The following MYO7B variants were observed in gnomAD, a reference collection of about 807,000 sequenced individuals.
The protein encoded by MYO7B is myosin VIIB.
Under a neutral mutation model 259.7 loss-of-function variants are expected in MYO7B, and 212 were observed. That is an observed-to-expected ratio of 0.82 (90% CI 0.73 to 0.91). The LOEUF (loss-of-function observed/expected upper bound fraction) is 0.91. Among genes scored for constraint, MYO7B ranks in the 40% least tolerant of loss-of-function variants. The probability of loss-of-function intolerance (pLI) is 0.00; values close to 1 mark genes in which losing one functional copy is unlikely to be tolerated. For synonymous variants in MYO7B, 1,197 were observed against 1,166.4 expected, an observed-to-expected ratio of 1.03 and a Z score of -0.54; for missense variants, 2,732 against 2,813.5, an observed-to-expected ratio of 0.97 and a Z score of 0.66.
At chr2:127,570,673 C>T (rs929738523) in intron 6 of MYO7B, among the ~76,000 whole-genome samples, 1 of 152,176 alleles carries the variant, frequency 6.6e-6, no homozygotes, top group Non-Finnish European at 1.5e-5. Context: ...CTCATACAGG[C>T]CTGTGGTTCC....
chr2:127,557,519 C>T (rs1232895126), intron 1 of MYO7B, among the ~76,000 whole-genome samples: 1 of 152,104 alleles, frequency 6.6e-6, no homozygotes, highest in Non-Finnish European at 1.5e-5. Context: ...GGTTCCTTCT[C>T]ATTTGGGTAG....
At chr2:127,618,976 G>A (rs1240313158) in intron 26 of MYO7B, among the ~76,000 whole-genome samples, 4 of 152,040 alleles carry the variant, frequency 2.6e-5, no homozygotes, top group Non-Finnish European at 2.9e-5. Context: ...TGTGGGCACT[G>A]GTTGGATCGT....
intron 20 of MYO7B, among the ~76,000 whole-genome samples, chr2:127,606,733 G>C (rs1417093174): frequency 2.0e-5 from 3 of 152,182 alleles, no homozygotes; most frequent in African/African-American, 4.8e-5. Context: ...GGATGTTTGC[G>C]GCACTGACGT....
chr2:127,607,067 G>A lies in MYO7B; in HGVS notation c.2425-139G>A. 1 of 731,456 alleles carries A rather than the reference G, an allele frequency of 1.4e-6. No individual in the cohort carries two copies. The highest frequency in any genetic ancestry group is 2.3e-6 in the Non-Finnish European group (1 of 444,328). 45.3% of individuals were successfully genotyped at this position (731,456 alleles called of 1,614,324 possible). The stretch of plus-strand genomic sequence containing the variant: ...TCACTATTCTTGTGTTCATAGGTGT[G>A]TACCATTCTAGCACCGGCCCTTTGC... On this transcript the variant is annotated intron_variant, in intron 20 of 47. Coordinates refer to ENST00000409816, the MANE Select transcript of MYO7B (RefSeq NM_001393586.1). This position sits in a 1 kb window ranked among gnomAD's most constrained non-coding sequence, Gnocchi z 4.4.
rs1422278279 is a variant in MYO7B at position 127,596,567 on chromosome 2, C to T, written c.2339+11C>T. 1.9e-6 allele frequency: 3 copies of T among 1,601,800 alleles called. No homozygotes were observed. The highest frequency in any genetic ancestry group is 4.5e-5 in the East Asian group (2 of 44,368). ...GGGCTACAGATACAGGTGCCGGCCCCACCCCAAGGCCCACCCAGCCTACTC... is the reference window on the plus strand; with the variant it reads ...GGGCTACAGATACAGGTGCCGGCCCTACCCCAAGGCCCACCCAGCCTACTC... On this transcript the variant is annotated intron_variant, in intron 19 of 47. Transcript: ENST00000409816.
chr2:127,556,972 A>G (rs1442027330), intron 1 of MYO7B, among the ~76,000 whole-genome samples: 1 of 152,164 alleles, frequency 6.6e-6, no homozygotes, highest in Non-Finnish European at 1.5e-5. Flanking sequence ...TTCCCCAAAA[A>G]ATGTGTTCCA....
intron 12 of MYO7B, among the ~76,000 whole-genome samples, chr2:127,582,680 C>G (rs960110196): frequency 6.6e-6 from 1 of 152,206 alleles, no homozygotes; most frequent in Non-Finnish European, 1.5e-5. Flanking sequence ...TGTCACCCTT[C>G]TTGGGCCACC....
At chr2:127,589,977 T>G (rs867526064) in intron 15 of MYO7B, 115 bp from the exon 16 acceptor site, 2 of 1,203,376 alleles carry the variant, frequency 1.7e-6, no homozygotes. Context: ...CTTGAATAGG[T>G]AGATGCACCA....
intron 24 of MYO7B, among the ~76,000 whole-genome samples, chr2:127,610,268 T>C (rs1662356279): frequency 2.0e-5 from 3 of 152,150 alleles, no homozygotes; most frequent in African/African-American, 7.2e-5. Context: ...CCCTGGACTC[T>C]GAGTATTGGG....
At position 127,610,148 on chromosome 2, in the gene MYO7B, C is replaced by T; in HGVS notation, c.3192+132C>T. The stretch of plus-strand genomic sequence containing the variant: ...CCTGTCCTCAGCCTTACCCATGGAA[C>T]CCAGCCCCCAGGCCATGGTGCAGGC... On this transcript the variant is annotated intron_variant, in intron 24 of 47. Transcript: ENST00000409816. 2.4e-6 allele frequency: 3 copies of T among 1,229,040 alleles called. 1 individual carries two copies. The South Asian group carries it at 4.5e-5, about 18-fold the overall frequency. The allele number at this position is 1,229,040 out of a possible 1,614,324, so 76.1% of individuals were successfully genotyped here.
intron 31 of MYO7B, 185 bp from the exon 32 acceptor site, chr2:127,626,785 GAAAAA>G (rs1048706954): frequency 3.6e-6 from 2 of 559,990 alleles, no homozygotes; most frequent in Non-Finnish European, 6.3e-6. Context: ...TCTCAAAAAA[GAAAAA>G]AAAAGGATAG....
At chr2:127,570,212 C>A (rs1678538135) in intron 6 of MYO7B, among the ~76,000 whole-genome samples, 2 of 151,902 alleles carry the variant, frequency 1.3e-5, no homozygotes, top group East Asian at 3.8e-4. Context: ...TGCATGTGTT[C>A]AGTTGCTGGA....
At chr2:127,617,756 C>A (rs1359523318) in intron 26 of MYO7B, among the ~76,000 whole-genome samples, 2 of 151,816 alleles carry the variant, frequency 1.3e-5, no homozygotes, top group Non-Finnish European at 1.5e-5. Context: ...CCCGCCTCGG[C>A]CTCCCAAAGT....
In MYO7B at chr2:127,562,482, G is replaced by GTTTT. The variant is rs56290548; in HGVS notation, c.19-1650_19-1647dup. ...CAGCTAATTTTTGTGGGGTTTTATTGTTTTTTTTTTTTTTTTTTTTTTTTG... is the reference window on the plus strand; with the variant it reads ...CAGCTAATTTTTGTGGGGTTTTATTGTTTTTTTTTTTTTTTTTTTTTTTTTTTTG... On this transcript the variant is annotated intron_variant, in intron 2 of 47. Transcript: ENST00000409816. Among the ~76,000 whole-genome samples, 230 of 61,188 alleles carry GTTTT rather than the reference G, an allele frequency of 3.8e-3. 8 individuals carry two copies. Among genetic ancestry groups the GTTTT allele is most frequent in the South Asian group, 0.013 (15 of 1,200 alleles). 40.1% of individuals were successfully genotyped at this position (61,188 alleles called of 152,430 possible). A position where few individuals can be genotyped will look rare whatever the true frequency, so the allele number is the denominator to read the frequency against.
intron 1 of MYO7B, among the ~76,000 whole-genome samples, chr2:127,540,997 A>G (rs1033309576): frequency 6.6e-6 from 1 of 152,168 alleles, no homozygotes; most frequent in Non-Finnish European, 1.5e-5. Context: ...AAAATGATGG[A>G]GGGATTTTCA....
chr2:127,636,095 TCCTCC>T lies in MYO7B; in HGVS notation c.6007-100_6007-96del, dbSNP rs1470131530. On this transcript the variant is annotated intron_variant, in intron 44 of 47. Transcript: ENST00000409816. The surrounding 1 kb of genome is among the most constrained non-coding windows in gnomAD (Gnocchi z 4.5). ...GCACCGAGACTGTCCCATGCTGCAT[TCCTCC>T]CCTCCCCTCCCCACCGTACTAGCCC... 9 of 1,098,050 alleles carry T rather than the reference TCCTCC, an allele frequency of 8.2e-6. No individual in the cohort carries two copies. Among genetic ancestry groups the T allele is most frequent in the East Asian group, 7.4e-5 (3 of 40,682 alleles). 68.0% of individuals were successfully genotyped at this position (1,098,050 alleles called of 1,614,324 possible).
intron 19 of MYO7B, among the ~76,000 whole-genome samples, chr2:127,599,605 G>A (rs1336806920): frequency 6.6e-6 from 1 of 152,170 alleles, no homozygotes; most frequent in African/African-American, 2.4e-5. Flanking sequence ...TTATCTTAGG[G>A]GGAAAACACT....
chr2:127,596,405 G>T, intron 18 of MYO7B, 57 bp from the exon 19 acceptor site: 1 of 1,407,838 alleles, frequency 7.1e-7, no homozygotes, highest in Non-Finnish European at 1.0e-6. Context: ...CCTGGCCCCA[G>T]GCAGGGGCTG....
chr2:127,583,688 G>A (rs1161054323), intron 12 of MYO7B, among the ~76,000 whole-genome samples: 2 of 152,184 alleles, frequency 1.3e-5, no homozygotes, highest in South Asian at 2.1e-4. Context: ...TAGGGCGTAT[G>A]CCTGGTTGAT....
Sources: allele counts gnomAD v4.1 joint callset (sites outside exome capture counted in the v4.1 genomes callset), GRCh38; gene constraint gnomAD v4.1.1; non-coding constraint Gnocchi (gnomAD v3.1); transcripts MANE v1.5; gene names NCBI Gene and HGNC (gene_info 2026-07-23, HGNC 2026-07-21).